WASHC2A: variants seen among roughly 807,000 people sequenced by gnomAD.
The protein encoded by WASHC2A is WASH complex subunit 2A.
In WASHC2A, 82 loss-of-function variants were observed where a neutral mutation model predicts 140.3. The ratio of observed to expected loss-of-function variants is 0.58; its 90% CI spans 0.49 to 0.70. The LOEUF is 0.70. Among genes scored for constraint, WASHC2A ranks in the 30% least tolerant of loss-of-function variants. The pLI is 0.00. For synonymous variants in WASHC2A, 340 were observed against 560.8 expected, an observed-to-expected ratio of 0.61 and a Z score of 5.56; for missense variants, 985 against 1,521.8, an observed-to-expected ratio of 0.65 and a Z score of 5.87.
At position 50,130,977 on chromosome 10, in the gene WASHC2A, T is replaced by A. The variant is rs1843916573; in HGVS notation, c.3785T>A (p.Leu1262Ter). ...REKEKTLESN[L>*]FDDNIDIFAD... is the part of the protein sequence containing the mutation. ...AAGGAGAAAACATTGGAATCTAATT[T>A]ATTTGATGATAACATTGATATCTTT... Residue 1262 changes from leucine (L) to a stop codon, truncating the protein, a stop_gained, in exon 30 of 31, where the codon TTA becomes TAA. Coordinates refer to ENST00000282633, the MANE Select transcript of WASHC2A (RefSeq NM_001005751.3). LOFTEE classifies it high-confidence loss of function. 1 of 1,610,056 alleles carries A rather than the reference T, an allele frequency of 6.2e-7. No individual in the cohort carries two copies. The highest frequency in any genetic ancestry group is 8.5e-7 in the Non-Finnish European group (1 of 1,178,790).
intron 4 of WASHC2A, among the ~76,000 whole-genome samples, chr10:50,080,218 T>C (rs1338801045): frequency 1.3e-5 from 2 of 152,184 alleles, no homozygotes; most frequent in African/African-American, 2.4e-5. Flanking sequence ...TTGTAGGGTA[T>C]ACACAGAATA....
chr10:50,130,852 A>G (rs1843902621), intron 29 of WASHC2A, 49 bp from the exon 30 acceptor site: 1 of 1,607,994 alleles, frequency 6.2e-7, no homozygotes, highest in African/African-American at 1.3e-5. Context: ...TGAGCTTAAA[A>G]AGAAAAATTG....
At chr10:50,083,554 C>CTTTTTTT (rs1206903936) in intron 5 of WASHC2A, among the ~76,000 whole-genome samples, 1 of 83,696 alleles carries the variant, frequency 1.2e-5, no homozygotes, top group African/African-American at 5.7e-5. Context: ...ACTTTGGTAT[C>CTTTTTTT]TTTTTTTTTT....
intron 15 of WASHC2A, 73 bp downstream of exon 15, chr10:50,095,851 C>T: frequency 6.5e-7 from 1 of 1,547,886 alleles, no homozygotes; most frequent in Non-Finnish European, 8.7e-7. Context: ...CATAAGCTCA[C>T]CTAGTTCTGT....
chr10:50,114,544 A>AG, intron 21 of WASHC2A, among the ~76,000 whole-genome samples: 1 of 144,388 alleles, frequency 6.9e-6, no homozygotes, highest in Non-Finnish European at 1.5e-5. Context: ...AAAAAAAAAA[A>AG]GCGTAAACAC....
chr10:50,072,531 G>A (rs1352568145), intron 3 of WASHC2A, among the ~76,000 whole-genome samples: 1 of 117,046 alleles, frequency 8.5e-6, no homozygotes, highest in East Asian at 3.2e-4. Context: ...CTGTCGCCCA[G>A]ACTGGAGTGC....
intron 13 of WASHC2A, among the ~76,000 whole-genome samples, 159 bp from the exon 14 acceptor site, chr10:50,094,989 A>G (rs1216365657): frequency 6.6e-6 from 1 of 152,218 alleles, no homozygotes; most frequent in Admixed American, 6.5e-5. Flanking sequence ...ATCGGTAGAG[A>G]AGAAAATACT....
intron 28 of WASHC2A, among the ~76,000 whole-genome samples, chr10:50,128,326 C>A (rs2133095743): frequency 6.6e-6 from 1 of 152,344 alleles, no homozygotes; most frequent in South Asian, 2.1e-4. Flanking sequence ...TGCCTCCTCA[C>A]CAGGAATGCT....
intron 19 of WASHC2A, 41 bp downstream of exon 19, chr10:50,106,506 T>C: frequency 6.2e-7 from 1 of 1,607,616 alleles, no homozygotes; most frequent in Non-Finnish European, 8.5e-7. Flanking sequence ...GATTATTTCA[T>C]GGGATTTAAG....
intron 13 of WASHC2A, 123 bp downstream of exon 13, chr10:50,094,040 T>C: frequency 1.3e-6 from 2 of 1,492,056 alleles, no homozygotes; most frequent in Non-Finnish European, 9.2e-7. Flanking sequence ...GCTGTTGTTT[T>C]TACTGTGGTC....
At chr10:50,071,645 G>A (rs1837834260) in intron 3 of WASHC2A, among the ~76,000 whole-genome samples, 3 of 148,810 alleles carry the variant, frequency 2.0e-5, no homozygotes, top group African/African-American at 7.5e-5. Context: ...GTACCAGATT[G>A]GTACTAGATT....
intron 3 of WASHC2A, among the ~76,000 whole-genome samples, chr10:50,073,133 A>G (rs1838013050): frequency 6.6e-6 from 1 of 152,204 alleles, no homozygotes; most frequent in Non-Finnish European, 1.5e-5. Flanking sequence ...AGGCAACACA[A>G]TTCTAAAGCC....
intron 25 of WASHC2A, 150 bp from the exon 26 acceptor site, chr10:50,125,907 A>G (rs1349883340): frequency 1.5e-5 from 13 of 878,714 alleles, no homozygotes; most frequent in Admixed American, 1.4e-4. Context: ...TCAGAATGCT[A>G]TTTCTGAAAT....
At chr10:50,115,908 G>A (rs1186605597) in intron 21 of WASHC2A, among the ~76,000 whole-genome samples, 2 of 152,332 alleles carry the variant, frequency 1.3e-5, no homozygotes, top group African/African-American at 4.8e-5. Flanking sequence ...CTGAGGTCAG[G>A]AGTTTAGGAC....
intron 2 of WASHC2A, 67 bp downstream of exon 2, chr10:50,068,294 G>A: frequency 7.0e-7 from 1 of 1,438,426 alleles, no homozygotes; most frequent in East Asian, 2.5e-5. Context: ...CAGGAGGGCC[G>A]GACCGCGACT....
Position 50,104,069 on chromosome 10 carries a change from A to G in WASHC2A, c.1663A>G (p.Lys555Glu), listed in dbSNP as rs572865230. The G allele has an allele frequency of 6.6e-7, 1 of 1,504,916 alleles. No individual in the cohort carries two copies. Among genetic ancestry groups the G allele is most frequent in the Admixed American group, 1.8e-5 (1 of 55,892 alleles). 93.2% of individuals were successfully genotyped at this position (1,504,916 alleles called of 1,614,324 possible). The part of the protein sequence containing the change: ...EDLFSSQSAS[K>E]LKGASLLPGK... Reference sequence around the variant, plus strand: ...TTTGTTTTCTTCTCAAAGTGCGAGTAAGTTAAAAGGTGCGTCTCTGCTGCC... The same window carrying G: ...TTTGTTTTCTTCTCAAAGTGCGAGTGAGTTAAAAGGTGCGTCTCTGCTGCC... The change falls in exon 18 of 31, where the codon AAG becomes GAG. Residue 555 changes from lysine to glutamate, a missense_variant. Physicochemically the swap from Lys to Glu is moderately conservative, Grantham distance 56. Transcript: ENST00000282633.
At chr10:50,107,612 C>CA (rs148718390) in intron 19 of WASHC2A, among the ~76,000 whole-genome samples, 53,955 of 150,404 alleles carry the variant, frequency 0.36, 10,852 homozygotes, top group East Asian at 0.64. Flanking sequence ...AAGCAGATTG[C>CA]AAAAAAAAAT....
chr10:50,069,656 T>C lies in WASHC2A; in HGVS notation c.236T>C (p.Leu79Pro). 6.2e-7 allele frequency: 1 copy of C among 1,614,008 alleles called. No individual in the cohort carries two copies. Among genetic ancestry groups the C allele is most frequent in the Admixed American group, 1.7e-5 (1 of 60,020 alleles). ...IRETKATDCR[L>P]HNVFNDFLML... ...GAAACCAAAGCCACAGATTGTCGCC[T>C]GCATAATGTCTTCAATGACTTCCTT... The change falls in exon 3 of 31, where the codon CTG becomes CCG. Residue 79 changes from leucine to proline, a missense_variant. Coordinates refer to ENST00000282633, the MANE Select transcript of WASHC2A (RefSeq NM_001005751.3).
chr10:50,086,440 A>G (rs1589174982), intron 7 of WASHC2A, among the ~76,000 whole-genome samples: 1 of 151,830 alleles, frequency 6.6e-6, no homozygotes, highest in African/African-American at 2.4e-5. Context: ...TGAAGTAGTT[A>G]TTTTTATTAT....
Sources: allele counts gnomAD v4.1 joint callset (sites outside exome capture counted in the v4.1 genomes callset), GRCh38; gene constraint gnomAD v4.1.1; transcripts MANE v1.5; gene names NCBI Gene and HGNC (gene_info 2026-07-23, HGNC 2026-07-21).